The following KPNA7 variants were observed in gnomAD, a reference collection of about 807,000 sequenced individuals.
KPNA7 encodes the protein karyopherin subunit alpha 7.
Under a neutral mutation model 53.7 loss-of-function variants are expected in KPNA7, and 54 were observed. The ratio of observed to expected loss-of-function variants is 1.01; its 90% CI spans 0.81 to 1.26. The LOEUF (loss-of-function observed/expected upper bound fraction) is 1.26, where lower values mean the gene tolerates loss of function less well. KPNA7 is among the 50% of genes most tolerant of loss of function. KPNA7 has a pLI of 0.00. For missense variants in KPNA7, 640 were observed against 644.5 expected (o/e 0.99, Z 0.07); for synonymous variants, 276 against 259.3 (o/e 1.06, Z -0.62).
chr7:99,181,967 G>A lies in KPNA7; in HGVS notation c.1233C>T (p.Val411=). 6.4e-7 allele frequency: 1 copy of A among 1,551,412 alleles called. No homozygotes were observed. The highest frequency in any genetic ancestry group is 1.2e-5 in the South Asian group (1 of 84,042). ...DQLIQLVHSG[V]LEPLVNLLTA... Reference sequence around the variant, plus strand: ...TGAGCAGATTCACCAGTGGCTCCAGGACCCCAGAGTGGACGAGCTGGATCA... The same window carrying A: ...TGAGCAGATTCACCAGTGGCTCCAGAACCCCAGAGTGGACGAGCTGGATCA... The change falls in exon 9 of 11, where the codon GTC becomes GTT. Residue 411 remains valine, a synonymous_variant. Transcript: ENST00000327442.
At chr7:99,196,052 A>G (rs1790214360) in intron 4 of KPNA7, 32 bp downstream of exon 4, 1 of 1,530,984 alleles carries the variant, frequency 6.5e-7, no homozygotes, top group Non-Finnish European at 8.9e-7. Flanking sequence ...CTAACTATGA[A>G]CCTGCAACAG....
the KPNA7 span, among the ~76,000 whole-genome samples, chr7:99,168,304 A>G: frequency 6.6e-6 from 1 of 152,098 alleles, no homozygotes; most frequent in African/African-American, 2.4e-5. Context: ...AGAATTCTGC[A>G]TTTTTGCCAT....
At chr7:99,147,387 A>T in the KPNA7 span, among the ~76,000 whole-genome samples, 1 of 152,190 alleles carries the variant, frequency 6.6e-6, no homozygotes, top group Non-Finnish European at 1.5e-5. Flanking sequence ...AGATAGAAGG[A>T]ACAGCTGCAC....
At chr7:99,213,319 G>A (rs779526631) in intron 1 of KPNA7, among the ~76,000 whole-genome samples, 5 of 151,242 alleles carry the variant, frequency 3.3e-5, no homozygotes, top group South Asian at 2.1e-4. Context: ...TAGTAGAGAC[G>A]GGGTTTTGCC....
the KPNA7 span, among the ~76,000 whole-genome samples, chr7:99,149,954 A>G: frequency 6.6e-6 from 1 of 151,730 alleles, no homozygotes; most frequent in South Asian, 2.1e-4. Context: ...ACGTGCCACC[A>G]TGCCCGGCTA....
chr7:99,157,736 G>A, the KPNA7 span, among the ~76,000 whole-genome samples: 1 of 152,122 alleles, frequency 6.6e-6, no homozygotes, highest in Admixed American at 6.6e-5. Context: ...AAGCCATTGT[G>A]ATTCTTGATC....
Position 99,203,207 on chromosome 7 carries a change from C to T in KPNA7, c.100G>A (p.Glu34Lys), listed in dbSNP as rs1279641831. The change falls in exon 3 of 11, where the codon GAG becomes AAG. Residue 34 changes from glutamate (E) to lysine (K), a missense_variant. Physicochemically the swap from Glu to Lys is moderately conservative, Grantham distance 56. Coordinates refer to ENST00000327442, the MANE Select transcript of KPNA7 (RefSeq NM_001145715.3). Reference sequence around the variant, plus strand: ...TCATCTTTCTTGGCCTTTCGGAGCTCCAGACTGACCGCCATCCTCTGCTGT... The same window carrying T: ...TCATCTTTCTTGGCCTTTCGGAGCTTCAGACTGACCGCCATCCTCTGCTGT... ...RRQQRMAVSL[E>K]LRKAKKDEQT... 1.3e-6 allele frequency: 2 copies of T among 1,551,602 alleles called. No individual in the cohort carries two copies. The highest frequency in any genetic ancestry group is 4.9e-5 in the East Asian group (2 of 40,920).
intron 3 of KPNA7, among the ~76,000 whole-genome samples, chr7:99,197,664 T>C (rs1169510164): frequency 6.6e-6 from 1 of 152,214 alleles, no homozygotes; most frequent in Non-Finnish European, 1.5e-5. Context: ...AATTCTGGAA[T>C]TGGAGAATAC....
rs568988637 is a variant in KPNA7, at chr7:99,193,020, G to A, written c.635C>T (p.Pro212Leu). ...AAAGAGAAAGAAAAAGACACTTACC[G>A]GCAGGGTGGGTGAAATCAAGGCTAG... is the stretch of plus-strand genomic sequence containing the variant. ...HLLALISPTL[P>L]ITFLRNITWT... The change falls in exon 6 of 11, where the codon CCG becomes CTG. Residue 212 changes from proline (P) to leucine (L), a missense_variant and splice_region_variant. Transcript: ENST00000327442. The A allele has an allele frequency of 4.9e-5, 73 of 1,495,980 alleles. No homozygotes were observed. Among genetic ancestry groups the A allele is most frequent in the East Asian group, 1.8e-4 (7 of 39,562 alleles). 92.7% of individuals were successfully genotyped at this position (1,495,980 alleles called of 1,614,324 possible). A position where few individuals can be genotyped will look rare whatever the true frequency, so the allele number is the denominator to read the frequency against.
chr7:99,154,605 C>T, the KPNA7 span, among the ~76,000 whole-genome samples: 1 of 151,698 alleles, frequency 6.6e-6, no homozygotes, highest in African/African-American at 2.4e-5. Flanking sequence ...TCTCGGCTCA[C>T]TGTGACCTCC....
At chr7:99,207,523 T>C (rs1790876813) in intron 1 of KPNA7, 34 bp from the exon 2 acceptor site, 1 of 1,183,942 alleles carries the variant, frequency 8.4e-7, no homozygotes, top group Non-Finnish European at 1.2e-6. Context: ...AAATTTTCAG[T>C]GCCCATTGTG....
intron 6 of KPNA7, among the ~76,000 whole-genome samples, chr7:99,192,410 T>C (rs946752296): frequency 5.9e-5 from 9 of 152,126 alleles, no homozygotes; most frequent in Non-Finnish European, 1.3e-4. Context: ...GTCCTAAGCC[T>C]TGCTATTATT....
intron 7 of KPNA7, 78 bp downstream of exon 7, chr7:99,188,222 G>A: frequency 3.3e-6 from 3 of 898,820 alleles, no homozygotes; most frequent in Non-Finnish European, 3.4e-6. Context: ...AAATGCAGAT[G>A]ACAAACCTTG....
At chr7:99,192,347 C>T (rs1789999764) in intron 6 of KPNA7, among the ~76,000 whole-genome samples, 1 of 152,188 alleles carries the variant, frequency 6.6e-6, no homozygotes, top group African/African-American at 2.4e-5. Context: ...AGGATCAGTG[C>T]TACTGGCCCC....
At chr7:99,146,114 CAA>C in the KPNA7 span, among the ~76,000 whole-genome samples, 2 of 152,146 alleles carry the variant, frequency 1.3e-5, no homozygotes, top group Non-Finnish European at 2.9e-5. Context: ...CCCCCCTATT[CAA>C]AGAGTCTCCT....
At chr7:99,209,220 G>A (rs1264116611), upstream of KPNA7, among the ~76,000 whole-genome samples, 2 of 151,926 alleles carry the variant, frequency 1.3e-5, no homozygotes, top group Admixed American at 1.3e-4. Context: ...ATATGTACAG[G>A]GTGGTGAGGA....
At chr7:99,183,224 T>A (rs1789371515) in intron 8 of KPNA7, among the ~76,000 whole-genome samples, 1 of 151,974 alleles carries the variant, frequency 6.6e-6, no homozygotes, top group Non-Finnish European at 1.5e-5. Context: ...TGCACTCCAG[T>A]CTGGGTGACA....
Position 99,207,492 on chromosome 7 carries a change from G to A in KPNA7, c.-23-3C>T. On this transcript the variant is annotated splice_region_variant and splice_polypyrimidine_tract_variant and intron_variant, in intron 1 of 10. Coordinates refer to ENST00000327442, the MANE Select transcript of KPNA7 (RefSeq NM_001145715.3). Reference sequence around the variant, plus strand: ...ATTGACTGGAAGTAGTAAGTTACCTGCAGGTTGGACAGCAACAAAGAAATT... The same window carrying A: ...ATTGACTGGAAGTAGTAAGTTACCTACAGGTTGGACAGCAACAAAGAAATT... 1.3e-6 allele frequency: 2 copies of A among 1,525,174 alleles called. No individual in the cohort carries two copies. Among genetic ancestry groups the A allele is most frequent in the Admixed American group, 3.9e-5 (2 of 50,886 alleles). The allele number at this position is 1,525,174 out of a possible 1,614,324, so 94.5% of individuals were successfully genotyped here. A position where few individuals can be genotyped will look rare whatever the true frequency, so the allele number is the denominator to read the frequency against.
intron 2 of KPNA7, among the ~76,000 whole-genome samples, chr7:99,204,217 A>G (rs925717517): frequency 2.0e-5 from 3 of 152,042 alleles, no homozygotes; most frequent in African/African-American, 7.2e-5. Flanking sequence ...TGTTTCTACC[A>G]AAAAATTAGC....
Sources: allele counts gnomAD v4.1 joint callset (sites outside exome capture counted in the v4.1 genomes callset), GRCh38; gene constraint gnomAD v4.1.1; transcripts MANE v1.5; gene names NCBI Gene and HGNC (gene_info 2026-07-23, HGNC 2026-07-21).